Variants in KANK1 observed in about 807,000 individuals in gnomAD.
KANK1 encodes the protein KN motif and ankyrin repeat domains 1.
KANK1 carries 109 observed loss-of-function variants against 106.2 expected under a neutral mutation model. The observed-to-expected ratio is 1.03, with a 90% confidence interval of 0.88 to 1.20. The LOEUF (loss-of-function observed/expected upper bound fraction) is 1.20, where lower values mean the gene tolerates loss of function less well. Among genes scored for constraint, KANK1 ranks in the 50% most tolerant of loss-of-function variants. The pLI is 0.00. For synonymous variants in KANK1, 873 were observed against 652.2 expected (o/e 1.34, Z -5.16); for missense variants, 2,399 against 1,710.7 (o/e 1.40, Z -7.10).
chr9:726,281 G>A (rs944182877), intron 3 of KANK1, among the ~76,000 whole-genome samples: 6 of 152,130 alleles, frequency 3.9e-5, no homozygotes, highest in African/African-American at 1.4e-4. Context: ...GGGGCAGGCC[G>A]CTGATTTGTG....
chr9:515,154 T>C (rs1587409275), intron 1 of KANK1, among the ~76,000 whole-genome samples: 2 of 151,526 alleles, frequency 1.3e-5, no homozygotes, highest in South Asian at 4.2e-4. Context: ...CCATCCTGGC[T>C]AACACAGTGA....
At chr9:636,543 C>A (rs1038828654) in intron 1 of KANK1, among the ~76,000 whole-genome samples, 9 of 152,170 alleles carry the variant, frequency 5.9e-5, no homozygotes, top group African/African-American at 2.2e-4. Context: ...CACTTCATAA[C>A]TTGCTGGGCA....
At chr9:573,763 C>T (rs1004183507) in intron 1 of KANK1, among the ~76,000 whole-genome samples, 1 of 151,806 alleles carries the variant, frequency 6.6e-6, no homozygotes, top group African/African-American at 2.4e-5. Flanking sequence ...TTTCGAAATC[C>T]TGAGTGAAAA....
intron 1 of KANK1, among the ~76,000 whole-genome samples, chr9:568,665 A>G (rs1263126977): frequency 6.6e-6 from 1 of 151,898 alleles, no homozygotes; most frequent in Admixed American, 6.6e-5. Flanking sequence ...AATTTTCTAA[A>G]ATTTTTTTGT....
chr9:534,140 T>A (rs889315418), intron 1 of KANK1, among the ~76,000 whole-genome samples: 7 of 152,154 alleles, frequency 4.6e-5, no homozygotes, highest in Admixed American at 3.3e-4. Context: ...CTCGATTTGC[T>A]TGGAAAGGGC....
intron 1 of KANK1, among the ~76,000 whole-genome samples, chr9:524,395 C>T (rs1310254607): frequency 6.6e-6 from 1 of 151,492 alleles, no homozygotes; most frequent in African/African-American, 2.4e-5. Flanking sequence ...TCAAGTCAAT[C>T]TTCAAAGGAA....
chr9:538,733 T>C (rs2060434550), intron 1 of KANK1, among the ~76,000 whole-genome samples: 1 of 152,202 alleles, frequency 6.6e-6, no homozygotes, highest in African/African-American at 2.4e-5. Flanking sequence ...GATCAGAGCC[T>C]CCATTTTCCT....
intron 1 of KANK1, among the ~76,000 whole-genome samples, chr9:571,621 C>T (rs376729452): frequency 1.3e-5 from 2 of 151,888 alleles, no homozygotes; most frequent in East Asian, 3.9e-4. Flanking sequence ...ACTAAGATAA[C>T]TGTCTCATTC....
intron 1 of KANK1, among the ~76,000 whole-genome samples, chr9:608,034 A>ATTATTTTT (rs550990252): frequency 1.7e-5 from 2 of 115,354 alleles, no homozygotes; most frequent in African/African-American, 7.4e-5. Flanking sequence ...TATTATTATT[A>ATTATTTTT]TTTTTTTTTT....
intron 1 of KANK1, among the ~76,000 whole-genome samples, chr9:597,502 A>G (rs1283199179): frequency 6.6e-6 from 1 of 151,696 alleles, no homozygotes; most frequent in African/African-American, 2.4e-5. Context: ...CCATTTGTAT[A>G]TCTTCTTTGG....
At chr9:686,722 G>C (rs1008204119) in intron 2 of KANK1, 1 of 978,220 alleles carries the variant, frequency 1.0e-6, no homozygotes, top group Non-Finnish European at 1.2e-6. Context: ...CACGTCATAA[G>C]TGCAATGATT....
intron 3 of KANK1, among the ~76,000 whole-genome samples, chr9:477,304 G>GAA (rs74361424): frequency 9.0e-5 from 8 of 89,330 alleles, no homozygotes; most frequent in Admixed American, 1.2e-4. Flanking sequence ...AATGCAAACA[G>GAA]AAAAAAAAAA....
At chr9:595,069 G>T (rs746874077) in intron 1 of KANK1, among the ~76,000 whole-genome samples, 1 of 151,828 alleles carries the variant, frequency 6.6e-6, no homozygotes, top group Non-Finnish European at 1.5e-5. Context: ...TAAATTTCTT[G>T]TTTTGTCCTA....
intron 3 of KANK1, chr9:477,768 C>G (rs957051469): frequency 1.6e-4 from 25 of 152,242 alleles, no homozygotes; most frequent in African/African-American, 6.0e-4. Context: ...AAAGGAAAAC[C>G]AACAGCATGG....
chr9:665,329 A>G (rs938253200), intron 1 of KANK1, among the ~76,000 whole-genome samples: 2 of 152,150 alleles, frequency 1.3e-5, no homozygotes, highest in Non-Finnish European at 2.9e-5. Context: ...ATCCATTTGT[A>G]TTTGATATTT....
At chr9:667,884 A>G (rs1845021799) in intron 1 of KANK1, among the ~76,000 whole-genome samples, 1 of 151,850 alleles carries the variant, frequency 6.6e-6, no homozygotes, top group Admixed American at 6.6e-5. Context: ...GGTGTACACC[A>G]CCACACCCAG....
upstream of KANK1, among the ~76,000 whole-genome samples, chr9:502,966 C>G (rs906614340): frequency 6.7e-6 from 1 of 150,300 alleles, no homozygotes; most frequent in African/African-American, 2.5e-5. Context: ...TCCAGAGTAG[C>G]TGGGACTACA....
At chr9:518,595 A>G (rs2059404275) in intron 1 of KANK1, among the ~76,000 whole-genome samples, 1 of 151,738 alleles carries the variant, frequency 6.6e-6, no homozygotes, top group African/African-American at 2.4e-5. Context: ...TGATATTGTC[A>G]TTCCGTGGTG....
In KANK1 at chr9:631,562, C is replaced by G. The variant is rs139567790; in HGVS notation, c.-83-45328C>G. ...CTCCTTCTTCCACATTCCTCCTCCT[C>G]TAGGCAAGGCAAGTCGTTTTCCTCA... On this transcript the variant is annotated intron_variant, in intron 1 of 11. Coordinates refer to ENST00000382297, the MANE Select transcript of KANK1 (RefSeq NM_015158.5). 8.6e-3 allele frequency among the ~76,000 whole-genome samples: 1,313 copies of G among 152,148 alleles called. 14 individuals carry two copies. The highest frequency in any genetic ancestry group is 0.013 in the Non-Finnish European group (871 of 68,026).
Sources: gnomAD v4.1 joint callset for allele counts (sites outside exome capture counted in the v4.1 genomes callset) on GRCh38, gnomAD v4.1.1 for gene constraint, MANE v1.5 for transcripts, NCBI Gene and HGNC (gene_info 2026-07-23, HGNC 2026-07-21) for gene names.